The following BBS9 variants were observed in gnomAD, a reference collection of about 807,000 sequenced individuals.
BBS9 encodes Bardet-Biedl syndrome 9.
Under a neutral mutation model 117.7 loss-of-function variants are expected in BBS9, and 89 were observed. The observed-to-expected ratio is 0.76, with a 90% CI of 0.64 to 0.90. The LOEUF (loss-of-function observed/expected upper bound fraction) is 0.90. BBS9 is among the 40% of genes least tolerant of loss of function. The probability of loss-of-function intolerance (pLI) is 0.00; values close to 1 mark genes in which losing one functional copy is unlikely to be tolerated. For synonymous variants in BBS9, 379 were observed against 370.9 expected, an observed-to-expected ratio of 1.02 and a Z score of -0.25; for missense variants, 982 against 1,042.2, an observed-to-expected ratio of 0.94 and a Z score of 0.80.
chr7:33,473,410 G>A (rs535068528), intron 19 of BBS9, among the ~76,000 whole-genome samples: 2 of 140,372 alleles, frequency 1.4e-5, no homozygotes, highest in African/African-American at 5.3e-5. Flanking sequence ...TGCAACTTCC[G>A]CCTCCTGGGT....
At chr7:33,359,383 G>C (rs1025751266) in intron 16 of BBS9, among the ~76,000 whole-genome samples, 2 of 152,050 alleles carry the variant, frequency 1.3e-5, no homozygotes, top group East Asian at 3.9e-4. Context: ...CATAAGATAC[G>C]AATTGTATAG....
chr7:33,496,302 G>A (rs1038947378), intron 19 of BBS9, among the ~76,000 whole-genome samples: 1 of 151,956 alleles, frequency 6.6e-6, no homozygotes, highest in South Asian at 2.1e-4. Context: ...TCAGGAGTTC[G>A]AAACCAGCCT....
At chr7:33,208,255 C>T (rs571294897) in intron 5 of BBS9, among the ~76,000 whole-genome samples, 2 of 152,300 alleles carry the variant, frequency 1.3e-5, no homozygotes. Flanking sequence ...GCCACATATT[C>T]ATTTGCTCAT....
chr7:33,405,695 T>C (rs1829809798), intron 19 of BBS9, among the ~76,000 whole-genome samples: 1 of 152,070 alleles, frequency 6.6e-6, no homozygotes, highest in Non-Finnish European at 1.5e-5. Context: ...GTGGTATCCC[T>C]TTTATCATTT....
chr7:33,386,410 T>A (rs1311792487), intron 18 of BBS9, among the ~76,000 whole-genome samples: 1 of 151,998 alleles, frequency 6.6e-6, no homozygotes, highest in Non-Finnish European at 1.5e-5. Context: ...TGACCTAATC[T>A]TATGAAGTGT....
At chr7:33,414,896 T>C (rs937847663) in intron 19 of BBS9, among the ~76,000 whole-genome samples, 1 of 152,218 alleles carries the variant, frequency 6.6e-6, no homozygotes, top group Non-Finnish European at 1.5e-5. Context: ...TACCGTCGAC[T>C]ATTTGGAAAA....
At chr7:33,333,173 T>C (rs1814502442) in intron 9 of BBS9, among the ~76,000 whole-genome samples, 1 of 152,178 alleles carries the variant, frequency 6.6e-6, no homozygotes, top group Non-Finnish European at 1.5e-5. Context: ...AAGTATATAC[T>C]GTACCCAATA....
At chr7:33,370,696 C>G (rs1822692460) in intron 17 of BBS9, among the ~76,000 whole-genome samples, 1 of 152,102 alleles carries the variant, frequency 6.6e-6, no homozygotes, top group Non-Finnish European at 1.5e-5. Context: ...CGTGTATATT[C>G]TTACGCTGCT....
intron 20 of BBS9, among the ~76,000 whole-genome samples, chr7:33,518,444 T>A (rs113706033): frequency 0.092 from 13,888 of 151,138 alleles, 1,001 homozygotes; most frequent in Admixed American, 0.25. Flanking sequence ...AGAGACGGGG[T>A]TTCATCATGT....
intron 7 of BBS9, among the ~76,000 whole-genome samples, chr7:33,268,034 T>G (rs1349976201): frequency 1.3e-5 from 2 of 152,208 alleles, no homozygotes; most frequent in African/African-American, 4.8e-5. Flanking sequence ...AGGGTAGTGC[T>G]CATTTTAGGG....
At chr7:33,462,644 C>T (rs757728028) in intron 19 of BBS9, among the ~76,000 whole-genome samples, 18 of 151,892 alleles carry the variant, frequency 1.2e-4, no homozygotes, top group Non-Finnish European at 2.4e-4. Flanking sequence ...GTTCTACTTG[C>T]GGTTAAATGA....
In BBS9 at chr7:33,351,783, C is replaced by T. The variant is rs1818698964; in HGVS notation, c.1537+460C>T. On this transcript the variant is annotated intron_variant, in intron 14 of 22. Coordinates refer to ENST00000242067, the MANE Select transcript of BBS9 (RefSeq NM_198428.3). ...AAATTGAATACCAGGGCTCCCACAC[C>T]TGAGCTGATGAGGCCAGGCTCCTCC... 1.6e-5 allele frequency: 4 copies of T among 257,332 alleles called. No homozygotes were observed. In the South Asian group the frequency reaches 1.8e-4, roughly 12 times the overall value. The allele number at this position is 257,332 out of a possible 1,614,324, so 15.9% of individuals were successfully genotyped here. A position where few individuals can be genotyped will look rare whatever the true frequency, so the allele number is the denominator to read the frequency against.
intron 19 of BBS9, among the ~76,000 whole-genome samples, chr7:33,431,259 A>G (rs575386362): frequency 4.3e-4 from 65 of 152,064 alleles, no homozygotes; most frequent in African/African-American, 1.4e-3. Flanking sequence ...TTCTTGTCCA[A>G]TAAAGAAGTG....
chr7:33,218,276 A>G (rs1010716502), intron 5 of BBS9, among the ~76,000 whole-genome samples: 4 of 152,232 alleles, frequency 2.6e-5, no homozygotes, highest in African/African-American at 9.6e-5. Context: ...GGCTGGAAAA[A>G]AATTTCAAAT....
intron 19 of BBS9, among the ~76,000 whole-genome samples, chr7:33,392,250 G>T (rs1827189474): frequency 6.6e-6 from 1 of 152,162 alleles, no homozygotes; most frequent in South Asian, 2.1e-4. Flanking sequence ...TTGTTCATGA[G>T]TCTCTGGATT....
At chr7:33,520,716 G>A (rs928653309) in intron 20 of BBS9, among the ~76,000 whole-genome samples, 2 of 152,294 alleles carry the variant, frequency 1.3e-5, no homozygotes, top group Admixed American at 6.5e-5. Context: ...TGGTGAATAA[G>A]TGAAGGCTCA....
intron 4 of BBS9, among the ~76,000 whole-genome samples, chr7:33,172,703 A>C (rs1796773384): frequency 1.3e-5 from 2 of 152,226 alleles, no homozygotes; most frequent in Admixed American, 1.3e-4. Context: ...CATTGCCCTA[A>C]GCAATTGTTA....
At chr7:33,411,909 T>C (rs1831212610) in intron 19 of BBS9, among the ~76,000 whole-genome samples, 1 of 152,168 alleles carries the variant, frequency 6.6e-6, no homozygotes, top group Non-Finnish European at 1.5e-5. Flanking sequence ...TTTATACAGA[T>C]AATAATTATA....
chr7:33,583,442 ATTC>A (rs750974596), intron 21 of BBS9, among the ~76,000 whole-genome samples: 4 of 151,294 alleles, frequency 2.6e-5, no homozygotes, highest in Non-Finnish European at 4.4e-5. Flanking sequence ...CTCACATTGG[ATTC>A]TTGATATTTG....
Sources: gnomAD v4.1 joint callset for allele counts (sites outside exome capture counted in the v4.1 genomes callset) on GRCh38, gnomAD v4.1.1 for gene constraint, MANE v1.5 for transcripts, NCBI Gene and HGNC (gene_info 2026-07-23, HGNC 2026-07-21) for gene names.